The following SERAC1 variants were observed in gnomAD, a reference collection of about 807,000 sequenced individuals.
SERAC1 encodes the protein serine active site containing 1, also known as protein SERAC1.
SERAC1 carries 36 observed loss-of-function variants against 85.7 expected under a neutral mutation model. The observed-to-expected ratio is 0.42, with a 90% confidence interval of 0.32 to 0.55. The LOEUF is 0.55. Among genes scored for constraint, SERAC1 ranks in the 20% least tolerant of loss-of-function variants. The pLI is 0.11. For synonymous variants in SERAC1, 242 were observed against 265.3 expected, an observed-to-expected ratio of 0.91 and a Z score of 0.85; for missense variants, 629 against 796.2, an observed-to-expected ratio of 0.79 and a Z score of 2.53.
Position 158,158,278 on chromosome 6 carries a change from T to C in SERAC1, c.86A>G (p.Asp29Gly), listed in dbSNP as rs779737059. The change falls in exon 2 of 17, where the codon GAT becomes GGT. Residue 29 changes from aspartate (D) to glycine (G), a missense_variant. Physicochemically the swap from Asp to Gly is moderately conservative, Grantham distance 94 (BLOSUM62 -1). Coordinates refer to ENST00000647468, the MANE Select transcript of SERAC1 (RefSeq NM_032861.4). ...SPPKSGTHWRDIRNIIKFTGS... is the reference protein window; with the variant it reads ...SPPKSGTHWRGIRNIIKFTGS... ...GTTGTTTAAGCTGTACTCACTGATA[T>C]CTCTCCAGTGTGTGCCACTTTTTGG... is the stretch of plus-strand genomic sequence containing the variant. 5 of 1,601,682 alleles carry C rather than the reference T, an allele frequency of 3.1e-6. No homozygotes were observed. Among genetic ancestry groups the C allele is most frequent in the East Asian group, 4.5e-5 (2 of 44,806 alleles).
intron 1 of SERAC1, among the ~76,000 whole-genome samples, chr6:158,166,859 C>T (rs1785610101): frequency 1.3e-5 from 2 of 152,078 alleles, no homozygotes; most frequent in Non-Finnish European, 2.9e-5. Context: ...GCCAAAATAA[C>T]CCCTCTAGTC....
At chr6:158,127,402 G>T (rs1294708168) in intron 10 of SERAC1, among the ~76,000 whole-genome samples, 9 of 48,904 alleles carry the variant, frequency 1.8e-4, no homozygotes, top group East Asian at 6.5e-4. Flanking sequence ...CCGGCCAGCC[G>T]CCCCGTCCGG....
chr6:158,130,858 G>T (rs181720671), intron 8 of SERAC1, among the ~76,000 whole-genome samples: 2 of 152,240 alleles, frequency 1.3e-5, no homozygotes, highest in Non-Finnish European at 2.9e-5. Flanking sequence ...TCTGCTAATA[G>T]CCTACTTAAA....
chr6:158,129,982 C>A (rs1447579853), intron 9 of SERAC1, among the ~76,000 whole-genome samples: 1 of 152,190 alleles, frequency 6.6e-6, no homozygotes, highest in Non-Finnish European at 1.5e-5. Flanking sequence ...AGGCGTGAGC[C>A]ACCGCGCCCA....
At position 158,110,223 on chromosome 6, in the gene SERAC1, T is replaced by C. The variant is rs1347496976; in HGVS notation, c.*1143A>G. ...GACCCTGTCTCTACAAAAAAGTATT[T>C]ATTTATTTTTTAATTACCCAAGTGT... On this transcript the variant is annotated 3_prime_UTR_variant, in exon 17 of 17. Transcript: ENST00000647468. The C allele has an allele frequency of 1.4e-5, 2 of 143,860 alleles. No homozygotes were observed. Among genetic ancestry groups the C allele is most frequent in the East Asian group, 3.9e-4 (2 of 5,190 alleles). 8.9% of individuals were successfully genotyped at this position (143,860 alleles called of 1,614,324 possible). A position where few individuals can be genotyped will look rare whatever the true frequency, so the allele number is the denominator to read the frequency against.
At chr6:158,159,443 G>A (rs1158159782) in intron 1 of SERAC1, 1 of 149,222 alleles carries the variant, frequency 6.7e-6, no homozygotes, top group Non-Finnish European at 1.5e-5. Flanking sequence ...AGGTTGCAGT[G>A]AGCTGAGATT....
chr6:158,150,490 A>C lies in SERAC1; in HGVS notation c.228T>G (p.Tyr76Ter). ...CTTTGTCTAAAGAAACTGTGTGCAC[A>C]TATATATATGACTTCATTTTTTCTC... Reference protein sequence around the residue: ...VEREKMKSYIYVHTVSLDKGE... With the variant: ...VEREKMKSYI Residue 76 changes from tyrosine to a stop codon, truncating the protein, a stop_gained, in exon 4 of 17, where the codon TAT becomes TAG. Coordinates refer to ENST00000647468, the MANE Select transcript of SERAC1 (RefSeq NM_032861.4). LOFTEE classifies it high-confidence loss of function. 6.4e-7 allele frequency: 1 copy of C among 1,574,314 alleles called. No homozygotes were observed. The highest frequency in any genetic ancestry group is 8.7e-7 in the Non-Finnish European group (1 of 1,145,334).
At chr6:158,124,516 A>C (rs1784490997) in intron 10 of SERAC1, among the ~76,000 whole-genome samples, 2 of 152,184 alleles carry the variant, frequency 1.3e-5, no homozygotes, top group African/African-American at 4.8e-5. Context: ...ACCACAAAAA[A>C]TGATATGTAT....
intron 1 of SERAC1, chr6:158,160,977 T>C (rs1017662059): frequency 5.3e-5 from 8 of 152,226 alleles, no homozygotes; most frequent in African/African-American, 1.9e-4. Flanking sequence ...CAAATCATTC[T>C]TGATGAAGGT....
intron 1 of SERAC1, among the ~76,000 whole-genome samples, chr6:158,166,638 T>C (rs1785603830): frequency 6.6e-6 from 1 of 152,198 alleles, no homozygotes; most frequent in Non-Finnish European, 1.5e-5. Flanking sequence ...TATCTCACCA[T>C]TTACTTGGGT....
Position 158,155,503 on chromosome 6 carries a change from TCTC to T in SERAC1, c.92-155_92-153del, listed in dbSNP as rs1785308835. 5 of 558,986 alleles carry T rather than the reference TCTC, an allele frequency of 8.9e-6. No homozygotes were observed. The East Asian group carries it at 1.5e-4, about 16-fold the overall frequency. The allele number at this position is 558,986 out of a possible 1,614,324, so 34.6% of individuals were successfully genotyped here. On this transcript the variant is annotated intron_variant, in intron 2 of 16. Coordinates refer to ENST00000647468, the MANE Select transcript of SERAC1 (RefSeq NM_032861.4). ...ATAATCAGTTGCTATTAATAAATGG[TCTC>T]CTATCCTTAGACACAAACACACAAA...
intron 14 of SERAC1, among the ~76,000 whole-genome samples, chr6:158,115,820 C>G (rs1248359823): frequency 6.6e-6 from 1 of 152,092 alleles, no homozygotes; most frequent in Non-Finnish European, 1.5e-5. Context: ...TGAGGGGGAG[C>G]AGGAAGAATA....
At chr6:158,156,274 C>G (rs558783096) in intron 2 of SERAC1, among the ~76,000 whole-genome samples, 1 of 152,228 alleles carries the variant, frequency 6.6e-6, no homozygotes, top group South Asian at 2.1e-4. Context: ...AATTGCCTGT[C>G]CAATACACAT....
chr6:158,160,571 T>C (rs1785465305), intron 1 of SERAC1, among the ~76,000 whole-genome samples: 1 of 152,246 alleles, frequency 6.6e-6, no homozygotes. Context: ...ATCATGGTTA[T>C]AATCTTTTGG....
intron 10 of SERAC1, among the ~76,000 whole-genome samples, chr6:158,122,886 T>C (rs1784454563): frequency 6.6e-6 from 1 of 152,224 alleles, no homozygotes; most frequent in African/African-American, 2.4e-5. Flanking sequence ...GAGCTCTCTA[T>C]ATATATCAAC....
At chr6:158,146,558 G>C (rs1425084391) in intron 6 of SERAC1, 1 of 360,184 alleles carries the variant, frequency 2.8e-6, no homozygotes, top group South Asian at 2.5e-5. Context: ...ACAGACGCCC[G>C]CCACCATGCC....
intron 14 of SERAC1, 26 bp from the exon 15 acceptor site, chr6:158,114,997 A>G: frequency 6.3e-7 from 1 of 1,592,016 alleles, no homozygotes; most frequent in Non-Finnish European, 8.5e-7. Context: ...GGAAAAAAAC[A>G]ATGCATAAGC....
chr6:158,162,834 A>AT lies in SERAC1; in HGVS notation c.-1-4471dup, dbSNP rs199789731. Among the ~76,000 whole-genome samples the AT allele has an allele frequency of 4.6e-5, 7 of 152,156 alleles. No individual in the cohort carries two copies. The East Asian group carries it at 1.2e-3, about 25-fold the overall frequency. On this transcript the variant is annotated intron_variant, in intron 1 of 16. Coordinates refer to ENST00000647468, the MANE Select transcript of SERAC1 (RefSeq NM_032861.4). ...CACATAGTTTTTGTCTTAAATGCAG[A>AT]TTTTTTTTAATGGCCACAAATTATT... is the stretch of plus-strand genomic sequence containing the variant.
chr6:158,144,569 C>G (rs895351902), intron 6 of SERAC1, 149 bp from the exon 7 acceptor site: 2 of 644,948 alleles, frequency 3.1e-6, no homozygotes, highest in Non-Finnish European at 5.2e-6. Context: ...ACTACATTTA[C>G]AACACCTATA....
Sources: allele counts gnomAD v4.1 joint callset (sites outside exome capture counted in the v4.1 genomes callset), GRCh38; gene constraint gnomAD v4.1.1; transcripts MANE v1.5; gene names NCBI Gene and HGNC (gene_info 2026-07-23, HGNC 2026-07-21).